ZNF280D: variants seen among roughly 807,000 people sequenced by gnomAD.
ZNF280D encodes the protein suppressor of hairy wing homolog 4.
In ZNF280D, 39 loss-of-function variants were observed where a neutral mutation model predicts 94.7. That is an observed-to-expected ratio of 0.41 (90% CI 0.32 to 0.54). The LOEUF (loss-of-function observed/expected upper bound fraction) is 0.54. Ranked by LOEUF, ZNF280D falls within the 20% of genes least tolerant of loss-of-function variation. ZNF280D has a pLI of 0.22. For synonymous variants in ZNF280D, 398 were observed against 377.6 expected (o/e 1.05, Z -0.63); for missense variants, 1,090 against 1,149.3 (o/e 0.95, Z 0.75).
chr15:56,632,041 A>C lies in ZNF280D; in HGVS notation c.2397T>G (p.Ser799Arg). 6.2e-7 allele frequency: 1 copy of C among 1,613,020 alleles called. No homozygotes were observed. Among genetic ancestry groups the C allele is most frequent in the South Asian group, 1.1e-5 (1 of 90,744 alleles). The change falls in exon 22 of 22, where the codon AGT becomes AGG. Residue 799 changes from serine to arginine, a missense_variant. Ser to Arg is a moderately radical substitution (Grantham distance 110). This residue lies in a region of ZNF280D where 577 missense variants were observed against 568.8 expected (regional missense o/e 1.01). Coordinates refer to ENST00000267807, the MANE Select transcript of ZNF280D (RefSeq NM_017661.4). ...NSFEGSSTTK[S>R]EESITVSDKE... ...TATCTGAAACTGTTATGCTTTCTTC[A>C]CTTTTTGTTGTTGATGAGCCTTCAA... is the stretch of plus-strand genomic sequence containing the variant.
chr15:56,652,314 T>TA, intron 19 of ZNF280D, among the ~76,000 whole-genome samples: 3 of 152,130 alleles, frequency 2.0e-5, no homozygotes, highest in African/African-American at 7.2e-5. Context: ...ATTTAAGAAA[T>TA]TAGTATAGTA....
chr15:56,681,292 G>C (rs1165457063), intron 10 of ZNF280D, among the ~76,000 whole-genome samples: 1 of 152,090 alleles, frequency 6.6e-6, no homozygotes, highest in Non-Finnish European at 1.5e-5. Flanking sequence ...ACAGATGACA[G>C]TTACCAAGAA....
chr15:56,706,974 A>T, intron 3 of ZNF280D, 108 bp downstream of exon 3: 3 of 988,626 alleles, frequency 3.0e-6, no homozygotes, highest in Non-Finnish European at 4.7e-6. Flanking sequence ...TAACAATTTT[A>T]AGCATTTTTG....
At chr15:56,729,864 G>C (rs1263709604) in intron 1 of ZNF280D, 1 of 152,322 alleles carries the variant, frequency 6.6e-6, no homozygotes, top group Admixed American at 6.5e-5. Flanking sequence ...CAATGAGAAT[G>C]TTTATGCAAA....
intron 20 of ZNF280D, among the ~76,000 whole-genome samples, chr15:56,637,381 G>C (rs922558086): frequency 4.6e-5 from 7 of 151,408 alleles, no homozygotes; most frequent in African/African-American, 1.5e-4. Context: ...GAAGTCTCCA[G>C]TGTTGCCCAG....
At chr15:56,724,096 A>C (rs1372560744) in intron 1 of ZNF280D, among the ~76,000 whole-genome samples, 4 of 152,168 alleles carry the variant, frequency 2.6e-5, no homozygotes, top group African/African-American at 9.7e-5. Context: ...ACTAGCCCGG[A>C]AAAAGATCAA....
intron 3 of ZNF280D, among the ~76,000 whole-genome samples, chr15:56,706,331 A>G (rs973910016): frequency 1.3e-5 from 2 of 151,270 alleles, no homozygotes; most frequent in African/African-American, 4.9e-5. Context: ...AAAAAAAATT[A>G]GCCAGGCGTG....
intron 10 of ZNF280D, 60 bp from the exon 11 acceptor site, chr15:56,678,881 C>T: frequency 7.1e-7 from 1 of 1,402,024 alleles, no homozygotes; most frequent in Non-Finnish European, 9.4e-7. Flanking sequence ...GGAAATCTCA[C>T]AAACAAGAAT....
chr15:56,733,174 G>C (rs2058983202), intron 1 of ZNF280D: 1 of 152,886 alleles, frequency 6.5e-6, no homozygotes, highest in Non-Finnish European at 1.5e-5. Context: ...AGAGGAGGTG[G>C]CGGAGGAGCA....
At position 56,709,412 on chromosome 15, in the gene ZNF280D, G is replaced by A. The variant is rs2057618182; in HGVS notation, c.-85-2106C>T. Among the ~76,000 whole-genome samples the A allele has an allele frequency of 2.0e-5, 3 of 151,802 alleles. No homozygotes were observed. In the South Asian group the frequency reaches 6.3e-4, roughly 32 times the overall value. ...AGGAACACTTTTACACTGTTGGTGG[G>A]ACTGTAAACTAGTTCAACCATTGTG... On this transcript the variant is annotated intron_variant, in intron 1 of 21. Coordinates refer to ENST00000267807, the MANE Select transcript of ZNF280D (RefSeq NM_017661.4).
At chr15:56,696,497 G>T (rs1193716108) in intron 6 of ZNF280D, among the ~76,000 whole-genome samples, 4 of 152,072 alleles carry the variant, frequency 2.6e-5, no homozygotes, top group African/African-American at 9.7e-5. Context: ...TAGAATCCAG[G>T]TCTGACTGAT....
At chr15:56,658,344 CA>C (rs2053682873) in intron 17 of ZNF280D, 79 bp downstream of exon 17, 1 of 977,870 alleles carries the variant, frequency 1.0e-6, no homozygotes, top group African/African-American at 1.7e-5. Flanking sequence ...AATTCTACCT[CA>C]ATAAAGCTGT....
At chr15:56,640,185 T>C (rs2052559734) in intron 20 of ZNF280D, among the ~76,000 whole-genome samples, 1 of 152,094 alleles carries the variant, frequency 6.6e-6, no homozygotes, top group Non-Finnish European at 1.5e-5. Flanking sequence ...AAAATTTTGA[T>C]GTAACTATTC....
intron 1 of ZNF280D, among the ~76,000 whole-genome samples, chr15:56,731,199 G>C (rs934219779): frequency 6.6e-6 from 1 of 152,066 alleles, no homozygotes; most frequent in African/African-American, 2.4e-5. Flanking sequence ...CTACAGACCA[G>C]GTCTCTTCAA....
chr15:56,652,310 G>GCT, intron 19 of ZNF280D, among the ~76,000 whole-genome samples: 3 of 151,982 alleles, frequency 2.0e-5, no homozygotes, highest in African/African-American at 7.2e-5. Flanking sequence ...TAAAATTTAA[G>GCT]AAATTAGTAT....
chr15:56,676,577 TC>T lies in ZNF280D; in HGVS notation c.1410+92del, dbSNP rs1483797502. The T allele has an allele frequency of 2.3e-5, 27 of 1,159,754 alleles. No individual in the cohort carries two copies. The African/African-American group carries it at 3.8e-4, about 16-fold the overall frequency. 71.8% of individuals were successfully genotyped at this position (1,159,754 alleles called of 1,614,324 possible). A position where few individuals can be genotyped will look rare whatever the true frequency, so the allele number is the denominator to read the frequency against. ...TAGTGTCATTTGGAACAACTCTGCT[TC>T]TCTTGCAGAACAAATCTAAAGATTC... On this transcript the variant is annotated intron_variant, in intron 13 of 21. Transcript: ENST00000267807.
chr15:56,668,294 A>G (rs1299211201), intron 14 of ZNF280D: 4 of 378,756 alleles, frequency 1.1e-5, no homozygotes, highest in African/African-American at 8.7e-5. Context: ...AAAAGGGAAA[A>G]GTAAATTACA....
intron 1 of ZNF280D, 48 bp from the exon 2 acceptor site, chr15:56,707,354 A>C (rs1202088063): frequency 6.2e-6 from 9 of 1,449,338 alleles, no homozygotes; most frequent in Non-Finnish European, 8.3e-6. Flanking sequence ...ATTAAATTAG[A>C]TGTATACATA....
intron 1 of ZNF280D, among the ~76,000 whole-genome samples, chr15:56,719,504 G>T (rs1487199860): frequency 6.6e-6 from 1 of 152,068 alleles, no homozygotes; most frequent in Admixed American, 6.6e-5. Context: ...CTGGTACCAC[G>T]ATACTTGCAG....
Sources: allele counts gnomAD v4.1 joint callset (sites outside exome capture counted in the v4.1 genomes callset), GRCh38; gene constraint gnomAD v4.1.1; regional missense constraint gnomAD v4.1.1; transcripts MANE v1.5; gene names NCBI Gene and HGNC (gene_info 2026-07-23, HGNC 2026-07-21).